Variants in AOX1 observed in about 807,000 individuals in gnomAD.
The protein encoded by AOX1 is aldehyde oxidase.
Under a neutral mutation model 169.5 loss-of-function variants are expected in AOX1, and 153 were observed. That is an observed-to-expected ratio of 0.90 (90% confidence interval 0.79 to 1.03). AOX1 has a LOEUF of 1.03. Ranked by LOEUF, AOX1 falls within the 50% of genes least tolerant of loss-of-function variation. The pLI is 0.00. For missense variants in AOX1, 1,656 were observed against 1,663.9 expected (o/e 1.00, Z 0.08); for synonymous variants, 562 against 581.9 (o/e 0.97, Z 0.49).
rs534508911 is a variant in AOX1, at chr2:200,587,300, A to G, written c.45+1147A>G. On this transcript the variant is annotated intron_variant, in intron 1 of 34. Transcript: ENST00000374700. Reference sequence around the variant, plus strand: ...GAGATCCTATTTCTTAAAAACAACAAAAACAGAGCTAACAACCAAGCAAGA... The same window carrying G: ...GAGATCCTATTTCTTAAAAACAACAGAAACAGAGCTAACAACCAAGCAAGA... Among the ~76,000 whole-genome samples the G allele has an allele frequency of 2.6e-5, 4 of 152,240 alleles. No individual in the cohort carries two copies. The East Asian group carries it at 7.7e-4, about 29-fold the overall frequency.
At chr2:200,662,467 G>A (rs538288195) in intron 30 of AOX1, among the ~76,000 whole-genome samples, 5 of 152,292 alleles carry the variant, frequency 3.3e-5, no homozygotes, top group Admixed American at 6.5e-5. Flanking sequence ...GGCAAATTCT[G>A]GAGCCAGAAA....
chr2:200,605,703 G>GA (rs1254011592), intron 10 of AOX1, 75 bp downstream of exon 10: 1 of 618,110 alleles, frequency 1.6e-6, no homozygotes. Flanking sequence ...CAGACAAGCA[G>GA]AAAAAGAATG....
chr2:200,672,698 C>T (rs1484928963), downstream of AOX1, among the ~76,000 whole-genome samples: 1 of 152,034 alleles, frequency 6.6e-6, no homozygotes, highest in Non-Finnish European at 1.5e-5. Flanking sequence ...TGCTTGAGTG[C>T]TAAGGGAAGA....
At position 200,670,735 on chromosome 2, in the gene AOX1, C is replaced by G; in HGVS notation, c.*56C>G. 7.3e-7 allele frequency: 1 copy of G among 1,371,338 alleles called. No individual in the cohort carries two copies. Among genetic ancestry groups the G allele is most frequent in the Admixed American group, 1.7e-5 (1 of 58,710 alleles). The allele number at this position is 1,371,338 out of a possible 1,614,324, so 84.9% of individuals were successfully genotyped here. On this transcript the variant is annotated 3_prime_UTR_variant, in exon 35 of 35. Coordinates refer to ENST00000374700, the MANE Select transcript of AOX1 (RefSeq NM_001159.4). The stretch of plus-strand genomic sequence containing the variant: ...TGCCTCTTCCCAGATGGCAATCTGT[C>G]CTATCTCTGTGCTGGAAGATGCTAG...
At position 200,612,734 on chromosome 2, in the gene AOX1, T is replaced by C. The variant is rs143060924; in HGVS notation, c.1389T>C (p.Tyr463=). 7.4e-6 allele frequency: 12 copies of C among 1,614,100 alleles called. No individual in the cohort carries two copies. In the African/African-American group the frequency reaches 1.5e-4, roughly 20 times the overall value. The change falls in exon 14 of 35, where the codon TAT becomes TAC. Residue 463 remains tyrosine (Y), a synonymous_variant. Coordinates refer to ENST00000374700, the MANE Select transcript of AOX1 (RefSeq NM_001159.4). ...DGIIRELCIS[Y]GGVGPATICA... ...TTATTAGAGAGTTATGCATCTCATATGGAGGCGTTGGTCCAGCCACCATCT... is the reference window on the plus strand; with the variant it reads ...TTATTAGAGAGTTATGCATCTCATACGGAGGCGTTGGTCCAGCCACCATCT...
At chr2:200,648,482 C>T (rs1436996725) in intron 25 of AOX1, among the ~76,000 whole-genome samples, 6 of 152,202 alleles carry the variant, frequency 3.9e-5, no homozygotes, top group Non-Finnish European at 7.4e-5. Flanking sequence ...GTGCCTGTTC[C>T]GGTGGAGGTG....
rs533681648 is a variant in AOX1 at position 200,623,924 on chromosome 2, G to A, written c.2065G>A (p.Ala689Thr). The change falls in exon 19 of 35, where the codon GCT becomes ACT. Residue 689 changes from alanine to threonine, a missense_variant. Transcript: ENST00000374700. ...CGATTCTGAGGTTCAGGCAAAGCGA[G>A]CTGCTAAGCGAGTGAAGATTGTCTA... ...LADSEVQAKR[A>T]AKRVKIVYQD... is the part of the protein sequence containing the mutation. 1.3e-5 allele frequency: 21 copies of A among 1,614,166 alleles called. 1 individual carries two copies. The South Asian group carries it at 2.0e-4, about 15-fold the overall frequency.
chr2:200,678,001 C>T (rs1211528001), downstream of AOX1, among the ~76,000 whole-genome samples: 5 of 152,046 alleles, frequency 3.3e-5, no homozygotes, highest in Admixed American at 3.3e-4. Context: ...CCCAAAGAAT[C>T]TCCCAAAGAT....
At chr2:200,624,526 A>T (rs1443280084) in intron 19 of AOX1, among the ~76,000 whole-genome samples, 1 of 152,198 alleles carries the variant, frequency 6.6e-6, no homozygotes, top group East Asian at 1.9e-4. Context: ...GATGTCCAGG[A>T]AAGTGGATCC....
chr2:200,644,557 T>A (rs1031007728), intron 25 of AOX1, among the ~76,000 whole-genome samples: 1 of 152,200 alleles, frequency 6.6e-6, no homozygotes, highest in African/African-American at 2.4e-5. Context: ...TCATGTGAAC[T>A]TTAGAATTGT....
At position 200,638,269 on chromosome 2, in the gene AOX1, T is replaced by C; in HGVS notation, c.2535T>C (p.Thr845=). 1 of 1,613,778 alleles carries C rather than the reference T, an allele frequency of 6.2e-7. No individual in the cohort carries two copies. Among genetic ancestry groups the C allele is most frequent in the South Asian group, 1.1e-5 (1 of 91,078 alleles). Reference sequence around the variant, plus strand: ...AACGAGGAGAAGACATGTTAATAACTGGAGGCCGCCATCCTTACCTTGGAA... The same window carrying C: ...AACGAGGAGAAGACATGTTAATAACCGGAGGCCGCCATCCTTACCTTGGAA... ...VLERGEDMLI[T]GGRHPYLGKY... The change falls in exon 23 of 35, where the codon ACT becomes ACC. Residue 845 remains threonine (T), a synonymous_variant. Coordinates refer to ENST00000374700, the MANE Select transcript of AOX1 (RefSeq NM_001159.4).
At chr2:200,599,831 C>A in intron 5 of AOX1, 85 bp downstream of exon 5, 3 of 1,166,966 alleles carry the variant, frequency 2.6e-6, no homozygotes, top group Non-Finnish European at 3.3e-6. Context: ...GTTGCCCGGG[C>A]TGGAGGGCGG....
At chr2:200,600,393 T>G (rs2105693477) in intron 5 of AOX1, among the ~76,000 whole-genome samples, 1 of 152,224 alleles carries the variant, frequency 6.6e-6, no homozygotes, top group South Asian at 2.1e-4. Flanking sequence ...GATCTTATGG[T>G]GAAACTTGAT....
intron 1 of AOX1, among the ~76,000 whole-genome samples, chr2:200,588,810 C>T (rs1428382254): frequency 7.0e-6 from 1 of 143,386 alleles, no homozygotes; most frequent in Non-Finnish European, 1.5e-5. Context: ...AAGCACCCAC[C>T]ACCACGCTAA....
At chr2:200,672,664 AG>A (rs1211358131), downstream of AOX1, among the ~76,000 whole-genome samples, 1 of 152,204 alleles carries the variant, frequency 6.6e-6, no homozygotes, top group African/African-American at 2.4e-5. Flanking sequence ...AAAAATAATA[AG>A]TAAATTACAG....
At chr2:200,663,594 T>C (rs1480753044) in intron 31 of AOX1, among the ~76,000 whole-genome samples, 1 of 118,964 alleles carries the variant, frequency 8.4e-6, no homozygotes, top group Non-Finnish European at 1.8e-5. Context: ...TCTCTCTCTC[T>C]CTCCCCCTCT....
rs540382007 is a variant in AOX1 at position 200,628,178 on chromosome 2, T to TAC, written c.2221+739_2221+740dup. ...ATTTTTCACTCAGATTCCCCAATTATACACACACACATACACACACACACA... is the reference window on the plus strand; with the variant it reads ...ATTTTTCACTCAGATTCCCCAATTATACACACACACACATACACACACACACA... On this transcript the variant is annotated intron_variant, in intron 20 of 34. Transcript: ENST00000374700. Among the ~76,000 whole-genome samples, 303 of 152,024 alleles carry TAC rather than the reference T, an allele frequency of 2.0e-3. 5 individuals are homozygous for TAC. Among genetic ancestry groups the TAC allele is most frequent in the Middle Eastern group, 0.017 (5 of 292 alleles).
At chr2:200,675,710 G>A (rs906328022), downstream of AOX1, among the ~76,000 whole-genome samples, 3 of 151,974 alleles carry the variant, frequency 2.0e-5, no homozygotes, top group Non-Finnish European at 4.4e-5. Context: ...ATAATTTATG[G>A]CAATAATACA....
At chr2:200,636,256 G>A (rs751468186) in intron 21 of AOX1, among the ~76,000 whole-genome samples, 2 of 150,626 alleles carry the variant, frequency 1.3e-5, no homozygotes, top group Non-Finnish European at 3.0e-5. Flanking sequence ...AGCCTCCTGA[G>A]CAGCTGGGAT....
Sources: allele counts gnomAD v4.1 joint callset (sites outside exome capture counted in the v4.1 genomes callset), GRCh38; gene constraint gnomAD v4.1.1; transcripts MANE v1.5; gene names NCBI Gene and HGNC (gene_info 2026-07-23, HGNC 2026-07-21).